The following TF variants were observed in gnomAD, a reference collection of about 807,000 sequenced individuals.
The protein encoded by TF is transferrin.
A neutral mutation model predicts 82.4 loss-of-function variants in TF; 55 were observed. The ratio of observed to expected loss-of-function variants is 0.67; its 90% CI spans 0.54 to 0.84. TF has a LOEUF of 0.84. Among genes scored for constraint, TF ranks in the 40% least tolerant of loss-of-function variants. The pLI is 0.00. For missense variants in TF, 737 were observed against 868.4 expected (o/e 0.85, Z 1.90); for synonymous variants, 332 against 332.6 (o/e 1.00, Z 0.02).
At chr3:133,677,828 T>A in the TF span, among the ~76,000 whole-genome samples, 1 of 152,040 alleles carries the variant, frequency 6.6e-6, no homozygotes, top group East Asian at 1.9e-4. Flanking sequence ...GGACTACAGG[T>A]GTGCATCACC....
At chr3:133,666,983 C>T in the TF span, among the ~76,000 whole-genome samples, 3 of 151,762 alleles carry the variant, frequency 2.0e-5, no homozygotes, top group African/African-American at 7.3e-5. Context: ...TTGCAGTGAG[C>T]TGAGATCGTG....
the TF span, among the ~76,000 whole-genome samples, chr3:133,713,638 G>T: frequency 6.6e-6 from 1 of 152,234 alleles, no homozygotes; most frequent in Non-Finnish European, 1.5e-5. Flanking sequence ...TTAAGGATCA[G>T]TCATTCTCCT....
At chr3:133,695,265 T>C in the TF span, among the ~76,000 whole-genome samples, 1 of 148,158 alleles carries the variant, frequency 6.7e-6, no homozygotes, top group Non-Finnish European at 1.5e-5. Flanking sequence ...TTTTTTTTTT[T>C]TGAGATGGAG....
chr3:133,683,418 G>A, the TF span, among the ~76,000 whole-genome samples: 1 of 151,288 alleles, frequency 6.6e-6, no homozygotes, highest in Admixed American at 6.6e-5. Flanking sequence ...CAAATTGGAT[G>A]AGTCAAGACC....
intron 14 of TF, chr3:133,774,833 A>G: frequency 4.2e-6 from 1 of 238,138 alleles, no homozygotes; most frequent in Non-Finnish European, 8.7e-6. Context: ...GCTCAGGAGG[A>G]AGGAGCTGAA....
the TF span, among the ~76,000 whole-genome samples, chr3:133,679,652 T>G: frequency 1.3e-4 from 20 of 150,404 alleles, no homozygotes; most frequent in Non-Finnish European, 1.3e-4. Flanking sequence ...GCTTCATTGC[T>G]TTTTATTATT....
At chr3:133,766,533 G>T in intron 12 of TF, 100 bp downstream of exon 12, 2 of 1,502,562 alleles carry the variant, frequency 1.3e-6, no homozygotes, top group Non-Finnish European at 1.8e-6. Context: ...GTGGGCTCTG[G>T]TTCTAGAGAA....
At chr3:133,695,776 G>A in the TF span, among the ~76,000 whole-genome samples, 2 of 152,110 alleles carry the variant, frequency 1.3e-5, no homozygotes, top group African/African-American at 4.8e-5. Context: ...TTGCACCTTG[G>A]GGCCATTACT....
chr3:133,765,938 G>C (rs997150080), intron 11 of TF, among the ~76,000 whole-genome samples: 10 of 152,196 alleles, frequency 6.6e-5, no homozygotes, highest in Middle Eastern at 3.4e-3. Flanking sequence ...AAAGTTTGTG[G>C]TTACATTAGC....
At chr3:133,707,767 T>A in the TF span, 1 of 152,214 alleles carries the variant, frequency 6.6e-6, no homozygotes, top group Admixed American at 6.5e-5. Context: ...CAGTTTGCAG[T>A]TCAACCTAAC....
rs533176856 is a variant in TF, at chr3:133,751,261, T to C, written c.217-2334T>C. ...TTTTTTTTTTTTTTTGAGACGGAGT[T>C]TCGCTCTGTCGCCCAGGCTGGAGTG... is the stretch of plus-strand genomic sequence containing the variant. On this transcript the variant is annotated intron_variant, in intron 2 of 16. Transcript: ENST00000402696. Among the ~76,000 whole-genome samples the C allele has an allele frequency of 2.4e-3, 355 of 149,244 alleles. 1 individual carries two copies. The highest frequency in any genetic ancestry group is 3.1e-3 in the Non-Finnish European group (210 of 67,194).
rs1424605265 is a variant in TF at position 133,787,844 on chromosome 3, A to G, written c.*9224A>G. On this transcript the variant is annotated 3_prime_UTR_variant, in exon 17 of 17. Transcript: ENST00000402696. ...TCTCTAGATACTAAAGAGGTTGCCA[A>G]TGTATGACAAAAATAGTAAAGTAAC... The G allele has an allele frequency of 2.0e-5, 3 of 152,248 alleles. No homozygotes were observed. The highest frequency in any genetic ancestry group is 4.4e-5 in the Non-Finnish European group (3 of 68,044). 9.4% of individuals were successfully genotyped at this position (152,248 alleles called of 1,614,324 possible).
chr3:133,733,824 C>T, the TF span, among the ~76,000 whole-genome samples: 1 of 151,908 alleles, frequency 6.6e-6, no homozygotes, highest in Non-Finnish European at 1.5e-5. Flanking sequence ...CTTTCATTTC[C>T]CTGCCTTTCT....
At chr3:133,749,580 G>T (rs143817027) in intron 2 of TF, among the ~76,000 whole-genome samples, 3 of 152,320 alleles carry the variant, frequency 2.0e-5, no homozygotes, top group African/African-American at 7.2e-5. Flanking sequence ...GGTGGTCAGA[G>T]ACCATCTCTC....
the TF span, among the ~76,000 whole-genome samples, chr3:133,725,315 A>G: frequency 1.3e-5 from 2 of 152,004 alleles, no homozygotes; most frequent in African/African-American, 4.8e-5. Context: ...ATTTGTTTGT[A>G]TCCTTTTTTA....
the TF span, among the ~76,000 whole-genome samples, chr3:133,680,663 T>G: frequency 3.9e-5 from 6 of 152,168 alleles, no homozygotes; most frequent in African/African-American, 1.2e-4. Context: ...CTTCTTACCC[T>G]GTCTTGCTAC....
At chr3:133,694,298 G>C in the TF span, 1 of 152,878 alleles carries the variant, frequency 6.5e-6, no homozygotes, top group Non-Finnish European at 1.5e-5. Flanking sequence ...TGTGTGCAGG[G>C]AAAGGGACAG....
In TF at chr3:133,789,920, A is replaced by G. The variant is rs1356226354; in HGVS notation, c.*11300A>G. 3.2e-5 allele frequency: 4 copies of G among 126,496 alleles called. No homozygotes were observed. The East Asian group carries it at 9.3e-4, about 29-fold the overall frequency. 7.8% of individuals were successfully genotyped at this position (126,496 alleles called of 1,614,324 possible). On this transcript the variant is annotated 3_prime_UTR_variant, in exon 17 of 17. Coordinates refer to ENST00000402696, the MANE Select transcript of TF (RefSeq NM_001063.4). The stretch of plus-strand genomic sequence containing the variant: ...TTTTTTTTTTTTTTGACAAATGAGC[A>G]TAATTTAATGTTAGCTAAATCTTCT...
chr3:133,729,635 T>G, the TF span, among the ~76,000 whole-genome samples: 1 of 152,208 alleles, frequency 6.6e-6, no homozygotes, highest in African/African-American at 2.4e-5. Flanking sequence ...CCTCGCCCTG[T>G]TTCGGCTCGT....
Sources: allele counts gnomAD v4.1 joint callset (sites outside exome capture counted in the v4.1 genomes callset), GRCh38; gene constraint gnomAD v4.1.1; transcripts MANE v1.5; gene names NCBI Gene and HGNC (gene_info 2026-07-23, HGNC 2026-07-21).